SLAMF1: variants seen among roughly 807,000 people sequenced by gnomAD.
The protein encoded by SLAMF1 is signaling lymphocytic activation molecule family member 1, also known as signaling lymphocytic activation molecule.
A neutral mutation model predicts 35.1 loss-of-function variants in SLAMF1; 18 were observed. The observed-to-expected ratio is 0.51, with a 90% CI of 0.35 to 0.76. The LOEUF (loss-of-function observed/expected upper bound fraction) is 0.76. Among genes scored for constraint, SLAMF1 ranks in the 30% least tolerant of loss-of-function variants. The probability of loss-of-function intolerance (pLI) is 0.01; values close to 1 mark genes in which losing one functional copy is unlikely to be tolerated. For synonymous variants in SLAMF1, 168 were observed against 157.2 expected, an observed-to-expected ratio of 1.07 and a Z score of -0.51; for missense variants, 392 against 413.0, an observed-to-expected ratio of 0.95 and a Z score of 0.44.
rs111812512 is a variant in SLAMF1 at position 160,633,038 on chromosome 1, G to A, written c.700+1575C>T. On this transcript the variant is annotated intron_variant, in intron 3 of 6. Coordinates refer to ENST00000302035, the MANE Select transcript of SLAMF1 (RefSeq NM_003037.5). ...AGTAAACCATGATGACCCGCCAGTT[G>A]CTGTTATTTAGAGATGAAGAATCTA... is the stretch of plus-strand genomic sequence containing the variant. Among the ~76,000 whole-genome samples the A allele has an allele frequency of 3.2e-3, 494 of 152,314 alleles. 4 individuals carry two copies. Among genetic ancestry groups the A allele is most frequent in the Admixed American group, 4.8e-3 (73 of 15,306 alleles).
intron 3 of SLAMF1, among the ~76,000 whole-genome samples, chr1:160,629,303 G>C (rs187760690): frequency 2.0e-5 from 3 of 150,200 alleles, no homozygotes; most frequent in Non-Finnish European, 3.0e-5. Context: ...ACAGAAGCGT[G>C]TCTCTCTCTC....
chr1:160,618,841 G>A (rs920826228), intron 5 of SLAMF1, among the ~76,000 whole-genome samples: 1 of 152,168 alleles, frequency 6.6e-6, no homozygotes. Context: ...GCAGATGAGA[G>A]CGTGGGGTGA....
intron 1 of SLAMF1, among the ~76,000 whole-genome samples, chr1:160,640,357 T>TATATATATATATAC (rs1332340284): frequency 2.8e-5 from 3 of 105,478 alleles, no homozygotes; most frequent in African/African-American, 6.7e-5. Flanking sequence ...TATATATATA[T>TATATATATATATAC]ATACACACAC....
rs555843776 is a variant in SLAMF1, at chr1:160,642,752, C to A, written c.76+4118G>T. 3.0e-4 allele frequency among the ~76,000 whole-genome samples: 46 copies of A among 152,214 alleles called. No individual in the cohort carries two copies. The highest frequency in any genetic ancestry group is 8.9e-4 in the African/African-American group (37 of 41,528). On this transcript the variant is annotated intron_variant, in intron 1 of 6. Coordinates refer to ENST00000302035, the MANE Select transcript of SLAMF1 (RefSeq NM_003037.5). The surrounding 1 kb of genome is among the most constrained non-coding windows in gnomAD (Gnocchi z 4.2). ...GGAAGAAAGTGGTGGGGACCCTTTT[C>A]CCCACTTGCCAGCTGAGGACATGGA...
chr1:160,628,020 A>G lies in SLAMF1; in HGVS notation c.701-3835T>C, dbSNP rs564846240. On this transcript the variant is annotated intron_variant, in intron 3 of 6. Coordinates refer to ENST00000302035, the MANE Select transcript of SLAMF1 (RefSeq NM_003037.5). ...CAAACTCTCTTGCCTGCTGCCACGT[A>G]AGACATGATTTTGCTCCTCATTCGC... Among the ~76,000 whole-genome samples the G allele has an allele frequency of 5.9e-5, 9 of 152,280 alleles. No homozygotes were observed. The East Asian group carries it at 1.7e-3, about 29-fold the overall frequency.
chr1:160,639,558 C>T (rs571131068), intron 1 of SLAMF1, among the ~76,000 whole-genome samples: 4 of 152,266 alleles, frequency 2.6e-5, no homozygotes, highest in African/African-American at 9.6e-5. Context: ...AGCAAATCCT[C>T]CTGGCTCTGA....
In SLAMF1 at chr1:160,610,570, T is replaced by C; in HGVS notation, c.*178A>G. 1 of 615,768 alleles carries C rather than the reference T, an allele frequency of 1.6e-6. No homozygotes were observed. 38.1% of individuals were successfully genotyped at this position (615,768 alleles called of 1,614,324 possible). On this transcript the variant is annotated 3_prime_UTR_variant, in exon 7 of 7. Transcript: ENST00000302035. Reference sequence around the variant, plus strand: ...CAGCAAGCTAAATTCTTGGGAAGCCTCACTTCCTTGTTCATTTCACAGATG... The same window carrying C: ...CAGCAAGCTAAATTCTTGGGAAGCCCCACTTCCTTGTTCATTTCACAGATG...
intron 4 of SLAMF1, among the ~76,000 whole-genome samples, chr1:160,621,303 A>G (rs141533048): frequency 0.014 from 2,124 of 152,294 alleles, 16 homozygotes; most frequent in East Asian, 0.026. Flanking sequence ...GCTCACGCCT[A>G]TAATCACAGC....
At chr1:160,638,592 C>T (rs1660577945) in intron 1 of SLAMF1, among the ~76,000 whole-genome samples, 1 of 152,154 alleles carries the variant, frequency 6.6e-6, no homozygotes, top group South Asian at 2.1e-4. Flanking sequence ...TTCTGTTTTC[C>T]TTTACAGCAA....
intron 3 of SLAMF1, among the ~76,000 whole-genome samples, chr1:160,627,900 A>T (rs1052967674): frequency 6.6e-6 from 1 of 152,136 alleles, no homozygotes. Context: ...AGGTGGAGAT[A>T]ATTGAATCAT....
Position 160,637,281 on chromosome 1 carries a change from C to T in SLAMF1, c.325G>A (p.Glu109Lys). 6.2e-7 allele frequency: 1 copy of T among 1,614,110 alleles called. No homozygotes were observed. The highest frequency in any genetic ancestry group is 8.5e-7 in the Non-Finnish European group (1 of 1,179,990). The change falls in exon 2 of 7, where the codon GAA becomes AAA. Residue 109 changes from glutamate (E) to lysine (K), a missense_variant. Glu to Lys is a moderately conservative substitution (Grantham distance 56). Coordinates refer to ENST00000302035, the MANE Select transcript of SLAMF1 (RefSeq NM_003037.5). Reference protein sequence around the residue: ...YLENLTLGIRESRKEDEGWYL... With the variant: ...YLENLTLGIRKSRKEDEGWYL... The stretch of plus-strand genomic sequence containing the variant: ...CATCCCTCATCCTCCTTCCTGCTTT[C>T]CCGTATCCCCAGGGTGAGATTCTCC...
intron 5 of SLAMF1, 95 bp downstream of exon 5, chr1:160,619,681 A>G: frequency 1.2e-6 from 1 of 841,560 alleles, no homozygotes; most frequent in Non-Finnish European, 2.1e-6. Flanking sequence ...TCTGCTCTGG[A>G]TGGAAAACTG....
chr1:160,611,406 T>G (rs1371693594), intron 6 of SLAMF1, among the ~76,000 whole-genome samples: 1 of 152,256 alleles, frequency 6.6e-6, no homozygotes, highest in African/African-American at 2.4e-5. Flanking sequence ...ATATTTTTAC[T>G]TCCTTCTTAG....
At chr1:160,622,175 T>C (rs577605093) in intron 4 of SLAMF1, among the ~76,000 whole-genome samples, 1 of 152,242 alleles carries the variant, frequency 6.6e-6, no homozygotes, top group South Asian at 2.1e-4. Context: ...GATAATTTAG[T>C]CTCAGGTTAT....
chr1:160,624,575 T>C (rs1659783271), intron 3 of SLAMF1, among the ~76,000 whole-genome samples: 1 of 152,224 alleles, frequency 6.6e-6, no homozygotes, highest in African/African-American at 2.4e-5. Flanking sequence ...AATGGTTCCA[T>C]GTGCCGTCCC....
At chr1:160,619,585 T>C (rs914663240) in intron 5 of SLAMF1, among the ~76,000 whole-genome samples, 191 bp downstream of exon 5, 1 of 152,104 alleles carries the variant, frequency 6.6e-6, no homozygotes, top group Non-Finnish European at 1.5e-5. Flanking sequence ...GACCAGAAAA[T>C]TATCCAGTGT....
intron 2 of SLAMF1, among the ~76,000 whole-genome samples, chr1:160,635,839 A>G (rs983111711): frequency 7.3e-5 from 11 of 151,448 alleles, no homozygotes; most frequent in Non-Finnish European, 1.5e-4. Context: ...TCGGCCTCCC[A>G]AAGTGCTGAG....
chr1:160,639,339 C>A (rs1660622427), intron 1 of SLAMF1, among the ~76,000 whole-genome samples: 2 of 152,168 alleles, frequency 1.3e-5, no homozygotes, highest in African/African-American at 4.8e-5. Context: ...AAGTCCCCTG[C>A]CTCAGTCTCC....
At position 160,646,995 on chromosome 1, in the gene SLAMF1, C is replaced by G. The variant is rs377724164; in HGVS notation, c.-50G>C. 2.4e-5 allele frequency: 23 copies of G among 941,466 alleles called. No homozygotes were observed. The highest frequency in any genetic ancestry group is 3.8e-5 in the Non-Finnish European group (22 of 577,776). The allele number at this position is 941,466 out of a possible 1,614,324, so 58.3% of individuals were successfully genotyped here. ...TCCTGGCCGGAGCCTGGCAGCTGCT[C>G]ACAGATGCCAGGCAGAAGCAAGCTT... On this transcript the variant is annotated 5_prime_UTR_variant, in exon 1 of 7. Coordinates refer to ENST00000302035, the MANE Select transcript of SLAMF1 (RefSeq NM_003037.5).
Sources: gnomAD v4.1 joint callset for allele counts (sites outside exome capture counted in the v4.1 genomes callset) on GRCh38, gnomAD v4.1.1 for gene constraint, Gnocchi (gnomAD v3.1) non-coding constraint, MANE v1.5 for transcripts, NCBI Gene and HGNC (gene_info 2026-07-23, HGNC 2026-07-21) for gene names.